CORO2B: variants seen among roughly 807,000 people sequenced by gnomAD.
CORO2B encodes coronin 2B, also known as coronin-2B.
In CORO2B, 26 loss-of-function variants were observed where a neutral mutation model predicts 58.8. The observed-to-expected ratio is 0.44, with a 90% CI of 0.32 to 0.61. CORO2B has a LOEUF of 0.61. Ranked by LOEUF, CORO2B falls within the 20% of genes least tolerant of loss-of-function variation. The pLI, the probability that CORO2B is intolerant of heterozygous loss-of-function variation, is 0.04. For synonymous variants in CORO2B, 242 were observed against 253.8 expected, an observed-to-expected ratio of 0.95 and a Z score of 0.44; for missense variants, 460 against 645.1, an observed-to-expected ratio of 0.71 and a Z score of 3.11.
At chr15:68,655,427 T>G (rs1264915779) in intron 2 of CORO2B, among the ~76,000 whole-genome samples, 1 of 152,074 alleles carries the variant, frequency 6.6e-6, no homozygotes, top group Admixed American at 6.5e-5. Context: ...AGTCTTACAT[T>G]GACACAATGC....
chr15:68,706,493 T>C (rs1892789244), intron 3 of CORO2B, among the ~76,000 whole-genome samples: 1 of 152,208 alleles, frequency 6.6e-6, no homozygotes, highest in Non-Finnish European at 1.5e-5. Context: ...GTGGAGTTAA[T>C]GAGGCTCAAC....
chr15:68,688,861 T>C (rs1892287375), intron 2 of CORO2B, among the ~76,000 whole-genome samples: 2 of 152,172 alleles, frequency 1.3e-5, no homozygotes, highest in East Asian at 3.9e-4. Flanking sequence ...AGAGGTTCTG[T>C]CAAATGGATC....
At chr15:68,584,388 G>C (rs56281900) in intron 1 of CORO2B, among the ~76,000 whole-genome samples, 3,055 of 152,244 alleles carry the variant, frequency 0.02, 115 homozygotes, top group African/African-American at 0.07. Flanking sequence ...AGCTGGGAAG[G>C]GTTTGAGGCT....
chr15:68,643,610 G>A (rs1052244119), intron 1 of CORO2B, among the ~76,000 whole-genome samples: 3 of 152,218 alleles, frequency 2.0e-5, no homozygotes, highest in Non-Finnish European at 4.4e-5. Flanking sequence ...AGAGGCAGGG[G>A]TTGGGGCCCA....
chr15:68,551,490 C>A, the CORO2B span, among the ~76,000 whole-genome samples: 2 of 152,180 alleles, frequency 1.3e-5, no homozygotes, highest in African/African-American at 4.8e-5. Context: ...CTGGGCCTCC[C>A]CGGCCTCCTC....
chr15:68,620,149 T>C (rs1400938351), intron 1 of CORO2B, among the ~76,000 whole-genome samples: 2 of 152,144 alleles, frequency 1.3e-5, no homozygotes, highest in African/African-American at 4.8e-5. Flanking sequence ...TGACCTCAGA[T>C]GATCCACCCG....
At chr15:68,544,444 T>C in the CORO2B span, among the ~76,000 whole-genome samples, 1 of 152,116 alleles carries the variant, frequency 6.6e-6, no homozygotes, top group Admixed American at 6.5e-5. Flanking sequence ...CAGCCCTGCT[T>C]CAACTAGGGG....
At chr15:68,675,598 AG>A (rs1359219852) in intron 2 of CORO2B, among the ~76,000 whole-genome samples, 1 of 152,214 alleles carries the variant, frequency 6.6e-6, no homozygotes, top group Non-Finnish European at 1.5e-5. Context: ...CTCTGAAGTT[AG>A]GGAAATGATA....
At chr15:68,646,364 C>T (rs1042197718) in intron 2 of CORO2B, among the ~76,000 whole-genome samples, 1 of 152,182 alleles carries the variant, frequency 6.6e-6, no homozygotes, top group African/African-American at 2.4e-5. Context: ...CACTCCCACC[C>T]TCCGCCAAAT....
intron 2 of CORO2B, among the ~76,000 whole-genome samples, chr15:68,685,972 G>A (rs1322890675): frequency 6.7e-6 from 1 of 149,172 alleles, no homozygotes; most frequent in Non-Finnish European, 1.5e-5. Context: ...CTGAGCTGCC[G>A]CCGACCCCTT....
rs1901375351 is a variant in CORO2B, at chr15:68,645,002, T to C, written c.16-158T>C. Reference sequence around the variant, plus strand: ...GGGCATATGAGTGTGCCCTGAATTCTTGGATGCTTCTTCCTTTCCATCTCT... The same window carrying C: ...GGGCATATGAGTGTGCCCTGAATTCCTGGATGCTTCTTCCTTTCCATCTCT... On this transcript the variant is annotated intron_variant, in intron 1 of 11. Transcript: ENST00000261861. The surrounding 1 kb of genome is among the most constrained non-coding windows in gnomAD (Gnocchi z 4.5). 6.6e-6 allele frequency among the ~76,000 whole-genome samples: 1 copy of C among 152,166 alleles called. No homozygotes were observed. The highest frequency in any genetic ancestry group is 1.5e-5 in the Non-Finnish European group (1 of 68,034).
At chr15:68,589,947 C>T (rs946781088) in intron 1 of CORO2B, among the ~76,000 whole-genome samples, 1 of 152,220 alleles carries the variant, frequency 6.6e-6, no homozygotes, top group Admixed American at 6.5e-5. Context: ...GGCTGCCCCC[C>T]TGGCCTCCAC....
intron 3 of CORO2B, among the ~76,000 whole-genome samples, chr15:68,709,087 T>C (rs1892850791): frequency 6.6e-6 from 1 of 152,238 alleles, no homozygotes; most frequent in Admixed American, 6.5e-5. Flanking sequence ...TCCTTTAATG[T>C]TGATCACTTA....
At chr15:68,634,027 G>A (rs898911753) in intron 1 of CORO2B, among the ~76,000 whole-genome samples, 4 of 152,240 alleles carry the variant, frequency 2.6e-5, no homozygotes, top group African/African-American at 9.6e-5. Flanking sequence ...AGGGAGCCTC[G>A]GCAGTGGCAG....
At chr15:68,560,879 C>G in the CORO2B span, among the ~76,000 whole-genome samples, 1 of 152,220 alleles carries the variant, frequency 6.6e-6, no homozygotes, top group Non-Finnish European at 1.5e-5. Context: ...AACCGCAGCT[C>G]TCCTCACGAT....
the CORO2B span, among the ~76,000 whole-genome samples, chr15:68,566,858 G>A: frequency 3.9e-5 from 6 of 152,188 alleles, no homozygotes; most frequent in African/African-American, 9.7e-5. Context: ...CAAACACAGC[G>A]TCATGTGCAA....
intron 1 of CORO2B, among the ~76,000 whole-genome samples, chr15:68,627,176 T>A (rs543768718): frequency 2.0e-5 from 3 of 152,222 alleles, no homozygotes; most frequent in Non-Finnish European, 4.4e-5. Context: ...CTTATAAAAT[T>A]TCATTTTTAC....
chr15:68,700,109 C>A (rs1353022184), intron 3 of CORO2B, among the ~76,000 whole-genome samples: 1 of 152,134 alleles, frequency 6.6e-6, no homozygotes, highest in African/African-American at 2.4e-5. Flanking sequence ...TCCTTCAAAG[C>A]ACCTGAGGCA....
intron 3 of CORO2B, among the ~76,000 whole-genome samples, chr15:68,708,631 G>GGATTACA: frequency 6.6e-6 from 1 of 151,570 alleles, no homozygotes; most frequent in East Asian, 1.9e-4. Flanking sequence ...CAAAGTGCTG[G>GGATTACA]GATTACAGGC....
Sources: allele counts gnomAD v4.1 joint callset (sites outside exome capture counted in the v4.1 genomes callset), GRCh38; gene constraint gnomAD v4.1.1; non-coding constraint Gnocchi (gnomAD v3.1); transcripts MANE v1.5; gene names NCBI Gene and HGNC (gene_info 2026-07-23, HGNC 2026-07-21).